The following ZBTB38 variants were observed in gnomAD, a reference collection of about 807,000 sequenced individuals.
ZBTB38 encodes the protein zinc finger and BTB domain-containing protein 38.
Under a neutral mutation model 76.8 loss-of-function variants are expected in ZBTB38, and 20 were observed. The ratio of observed to expected loss-of-function variants is 0.26; its 90% CI spans 0.18 to 0.38. The LOEUF is 0.38. Ranked by LOEUF, ZBTB38 falls within the 10% of genes least tolerant of loss-of-function variation. The pLI is 1.00. For missense variants in ZBTB38, 1,082 were observed against 1,482.3 expected (o/e 0.73, Z 4.43); for synonymous variants, 504 against 544.2 (o/e 0.93, Z 1.03).
At chr3:141,406,086 A>T (rs553647435) in intron 5 of ZBTB38, among the ~76,000 whole-genome samples, 1 of 152,252 alleles carries the variant, frequency 6.6e-6, no homozygotes, top group Non-Finnish European at 1.5e-5. Flanking sequence ...CTGAGTTAGA[A>T]CTGGTCTATA....
intron 1 of ZBTB38, among the ~76,000 whole-genome samples, chr3:141,339,877 G>A (rs149008456): frequency 2.6e-5 from 4 of 152,320 alleles, no homozygotes; most frequent in Non-Finnish European, 4.4e-5. Context: ...AGTTGTTGAC[G>A]TCTTGATGAT....
intron 1 of ZBTB38, among the ~76,000 whole-genome samples, chr3:141,331,356 T>C (rs974631639): frequency 6.6e-6 from 1 of 152,122 alleles, no homozygotes; most frequent in Non-Finnish European, 1.5e-5. Context: ...AGGCTACTGA[T>C]TATGTAGGAG....
chr3:141,357,622 G>A (rs573329497), intron 1 of ZBTB38, among the ~76,000 whole-genome samples: 85 of 152,078 alleles, frequency 5.6e-4, no homozygotes, highest in African/African-American at 2.0e-3. Context: ...TTCCGGCTCC[G>A]GGGTTCAAGC....
intron 2 of ZBTB38, among the ~76,000 whole-genome samples, chr3:141,375,652 G>T (rs754567099): frequency 6.6e-6 from 1 of 152,234 alleles, no homozygotes; most frequent in Non-Finnish European, 1.5e-5. Flanking sequence ...GGGATCTGGG[G>T]TCAGAAACCA....
At chr3:141,349,746 A>C (rs923631371) in intron 1 of ZBTB38, among the ~76,000 whole-genome samples, 1 of 152,080 alleles carries the variant, frequency 6.6e-6, no homozygotes, top group African/African-American at 2.4e-5. Flanking sequence ...ATAAATAAAA[A>C]TACATCACGA....
At chr3:141,362,563 C>A (rs1477699788) in intron 1 of ZBTB38, among the ~76,000 whole-genome samples, 1 of 152,160 alleles carries the variant, frequency 6.6e-6, no homozygotes, top group African/African-American at 2.4e-5. Context: ...TTTAAGTGTT[C>A]CCTGATTTTC....
chr3:141,398,749 G>T (rs999274955), intron 4 of ZBTB38, among the ~76,000 whole-genome samples: 1 of 151,200 alleles, frequency 6.6e-6, no homozygotes, highest in African/African-American at 2.4e-5. Flanking sequence ...TTTTAAATGT[G>T]GATTACTAAA....
At chr3:141,435,870 T>C (rs2078668068) in intron 5 of ZBTB38, among the ~76,000 whole-genome samples, 1 of 150,770 alleles carries the variant, frequency 6.6e-6, no homozygotes. Flanking sequence ...CAATTACAAA[T>C]TACTTTATGT....
At chr3:141,431,813 A>G (rs986715061) in intron 5 of ZBTB38, 1 of 152,298 alleles carries the variant, frequency 6.6e-6, no homozygotes, top group African/African-American at 2.4e-5. Context: ...TCAGTTAAAA[A>G]ATAAGCTTCC....
chr3:141,442,687 G>A lies in ZBTB38; in HGVS notation c.299G>A (p.Arg100Lys). Residue 100 changes from arginine to lysine, a missense_variant, in exon 6 of 6, where the codon AGA becomes AAA. Transcript: ENST00000321464. This position sits in a 1 kb window ranked among gnomAD's most constrained non-coding sequence, Gnocchi z 6.4. ...YIYSSTVVVK[R>K]QETVTDLAAA... ...TACAGTTCCACAGTCGTTGTCAAGA[G>A]ACAGGAAACAGTCACTGATCTCGCA... 1.2e-6 allele frequency: 2 copies of A among 1,614,168 alleles called. No homozygotes were observed. The highest frequency in any genetic ancestry group is 1.7e-6 in the Non-Finnish European group (2 of 1,180,042).
At chr3:141,437,041 T>G (rs1164850277) in intron 5 of ZBTB38, among the ~76,000 whole-genome samples, 2 of 152,210 alleles carry the variant, frequency 1.3e-5, no homozygotes, top group African/African-American at 2.4e-5. Flanking sequence ...AACTGTGCTC[T>G]AAAGACAGTT....
At chr3:141,379,334 G>C (rs1945864064) in intron 2 of ZBTB38, among the ~76,000 whole-genome samples, 1 of 152,160 alleles carries the variant, frequency 6.6e-6, no homozygotes. Flanking sequence ...TTTACTCCCA[G>C]GTTCTGCAGA....
At chr3:141,331,828 G>C (rs1288792259) in intron 1 of ZBTB38, among the ~76,000 whole-genome samples, 1 of 152,252 alleles carries the variant, frequency 6.6e-6, no homozygotes, top group East Asian at 1.9e-4. Context: ...CAAGTGTCTG[G>C]TGATCATGCA....
chr3:141,448,933 G>T lies in ZBTB38; in HGVS notation c.*2957G>T, dbSNP rs1269589511. ...ATGATTGAGTGTTTTGGATAGGCCT[G>T]ATCTTATAATGATAAATCAGAGAAT... On this transcript the variant is annotated 3_prime_UTR_variant, in exon 6 of 6. Transcript: ENST00000321464. 6.6e-6 allele frequency: 1 copy of T among 152,196 alleles called. No individual in the cohort carries two copies. The highest frequency in any genetic ancestry group is 1.5e-5 in the Non-Finnish European group (1 of 68,038). The allele number at this position is 152,196 out of a possible 1,614,324, so 9.4% of individuals were successfully genotyped here.
intron 5 of ZBTB38, among the ~76,000 whole-genome samples, chr3:141,419,008 A>T (rs967981249): frequency 1.3e-5 from 2 of 152,240 alleles, no homozygotes; most frequent in African/African-American, 4.8e-5. Context: ...GTCTGTTTTC[A>T]CACTGCTGTA....
chr3:141,350,623 G>A (rs1483784929), intron 1 of ZBTB38, among the ~76,000 whole-genome samples: 1 of 152,098 alleles, frequency 6.6e-6, no homozygotes, highest in Non-Finnish European at 1.5e-5. Context: ...AGATCCTCAG[G>A]TAACTTCTTT....
In ZBTB38 at chr3:141,368,631, G is replaced by C. The variant is rs943011882; in HGVS notation, c.-483G>C. On this transcript the variant is annotated 5_prime_UTR_variant, in exon 1 of 6. Transcript: ENST00000321464. ...CTTCTTTTTTTTAAGCCTCACGAAA[G>C]ATTTTACTTGTAGATCAACTTTCAA... The C allele has an allele frequency of 6.6e-6, 1 of 152,102 alleles. No homozygotes were observed. The highest frequency in any genetic ancestry group is 2.4e-5 in the African/African-American group (1 of 41,400). 9.4% of individuals were successfully genotyped at this position (152,102 alleles called of 1,614,324 possible).
chr3:141,426,939 C>T (rs954837515), intron 5 of ZBTB38, among the ~76,000 whole-genome samples: 1 of 151,976 alleles, frequency 6.6e-6, no homozygotes, highest in Non-Finnish European at 1.5e-5. Context: ...TTATGCAGCT[C>T]AGCTTTAGGC....
intron 4 of ZBTB38, among the ~76,000 whole-genome samples, chr3:141,393,469 T>C (rs1029649990): frequency 5.3e-5 from 8 of 152,090 alleles, no homozygotes; most frequent in African/African-American, 1.9e-4. Context: ...CTCTTGTTTC[T>C]TGAACTGAGG....
Sources: gnomAD v4.1 joint callset for allele counts (sites outside exome capture counted in the v4.1 genomes callset) on GRCh38, gnomAD v4.1.1 for gene constraint, Gnocchi (gnomAD v3.1) non-coding constraint, MANE v1.5 for transcripts, NCBI Gene and HGNC (gene_info 2026-07-23, HGNC 2026-07-21) for gene names.